Variants in CCDC27 observed in about 807,000 individuals in gnomAD.
CCDC27 encodes the protein coiled-coil domain-containing protein 27.
Under a neutral mutation model 80.3 loss-of-function variants are expected in CCDC27, and 80 were observed. The ratio of observed to expected loss-of-function variants is 1.00; its 90% CI spans 0.83 to 1.20. The LOEUF (loss-of-function observed/expected upper bound fraction) is 1.20, where lower values mean the gene tolerates loss of function less well. Among genes scored for constraint, CCDC27 ranks in the 50% most tolerant of loss-of-function variants. The pLI, the probability that CCDC27 is intolerant of heterozygous loss-of-function variation, is 0.00. For synonymous variants in CCDC27, 342 were observed against 334.3 expected, an observed-to-expected ratio of 1.02 and a Z score of -0.25; for missense variants, 815 against 809.4, an observed-to-expected ratio of 1.01 and a Z score of -0.08.
At chr1:3,753,152 TGAAAA>T (rs1481765927) in intron 1 of CCDC27, among the ~76,000 whole-genome samples, 2 of 151,952 alleles carry the variant, frequency 1.3e-5, no homozygotes, top group African/African-American at 4.8e-5. Flanking sequence ...AGGTGCATCT[TGAAAA>T]GGAGAGTGAA....
Position 3,752,497 on chromosome 1 carries a change from T to G in CCDC27, c.16T>G (p.Phe6Val). 1 of 1,613,960 alleles carries G rather than the reference T, an allele frequency of 6.2e-7. No individual in the cohort carries two copies. Among genetic ancestry groups the G allele is most frequent in the Non-Finnish European group, 8.5e-7 (1 of 1,179,954 alleles). Residue 6 changes from phenylalanine to valine, a missense_variant, in exon 1 of 12, where the codon TTC (phenylalanine) becomes GTC (valine). Coordinates refer to ENST00000294600, the MANE Select transcript of CCDC27 (RefSeq NM_152492.3). MFEAI[F>V]PSTPQARLKR... is the part of the protein sequence containing the mutation. ...CAGCAGGTTCATGTTCGAGGCCATC[T>G]TCCCCTCCACACCCCAAGCCAGGCT... is the stretch of plus-strand genomic sequence containing the variant.
rs920288711 is a variant in CCDC27 at position 3,757,750 on chromosome 1, G to A, written c.711+860G>A. Among the ~76,000 whole-genome samples the A allele has an allele frequency of 8.6e-5, 13 of 152,040 alleles. No individual in the cohort carries two copies. In the East Asian group the frequency reaches 1.6e-3, roughly 18 times the overall value. On this transcript the variant is annotated intron_variant, in intron 4 of 11. Coordinates refer to ENST00000294600, the MANE Select transcript of CCDC27 (RefSeq NM_152492.3). ...CATCCTGGCTAACACGCGAAACCCCGTCTCTACTAAAAATACAACAAATTA... is the reference window on the plus strand; with the variant it reads ...CATCCTGGCTAACACGCGAAACCCCATCTCTACTAAAAATACAACAAATTA...
chr1:3,766,837 C>CTT lies in CCDC27; in HGVS notation c.1530+246_1530+247dup, dbSNP rs34635257. ...AGGGACCCAGCAAGCGTTCCCAGTCCTTTTTTTTTTTTTTTTTTTTTTGAG... is the reference window on the plus strand; with the variant it reads ...AGGGACCCAGCAAGCGTTCCCAGTCCTTTTTTTTTTTTTTTTTTTTTTTTGAG... On this transcript the variant is annotated intron_variant, in intron 9 of 11. Transcript: ENST00000294600. This position sits in a 1 kb window ranked among gnomAD's most constrained non-coding sequence, Gnocchi z 6.1. 0.027 allele frequency among the ~76,000 whole-genome samples: 2,793 copies of CTT among 105,390 alleles called. 111 individuals are homozygous for CTT. Among genetic ancestry groups the CTT allele is most frequent in the East Asian group, 0.094 (285 of 3,030 alleles). The allele number at this position is 105,390 out of a possible 152,430, so 69.1% of individuals were successfully genotyped here.
intron 4 of CCDC27, among the ~76,000 whole-genome samples, chr1:3,758,488 T>C (rs1385900639): frequency 6.6e-6 from 1 of 150,680 alleles, no homozygotes; most frequent in Non-Finnish European, 1.5e-5. Flanking sequence ...GCTCAGCCTT[T>C]ATTTTTTAGA....
intron 11 of CCDC27, among the ~76,000 whole-genome samples, chr1:3,770,893 C>T (rs1201063219): frequency 6.6e-6 from 1 of 152,160 alleles, no homozygotes. Context: ...GGAAGAGCAC[C>T]TTTGCTTGCT....
intron 4 of CCDC27, among the ~76,000 whole-genome samples, chr1:3,757,856 A>T (rs1642994305): frequency 6.7e-6 from 1 of 150,068 alleles, no homozygotes; most frequent in South Asian, 2.1e-4. Flanking sequence ...AGGGAGGCGG[A>T]GCTTGCAGTG....
chr1:3,758,490 T>C (rs1643015266), intron 4 of CCDC27, among the ~76,000 whole-genome samples: 1 of 151,778 alleles, frequency 6.6e-6, no homozygotes, highest in South Asian at 2.1e-4. Flanking sequence ...TCAGCCTTTA[T>C]TTTTTAGAGA....
At chr1:3,764,226 G>A (rs916192831) in intron 8 of CCDC27, among the ~76,000 whole-genome samples, 17 of 152,110 alleles carry the variant, frequency 1.1e-4, no homozygotes, top group South Asian at 2.1e-4. Context: ...TTTGTTAAGC[G>A]TTTTAGGTTT....
rs1411456676 is a variant in CCDC27, at chr1:3,760,462, G to A, written c.712-819G>A. Among the ~76,000 whole-genome samples, 1 of 151,992 alleles carries A rather than the reference G, an allele frequency of 6.6e-6. No individual in the cohort carries two copies. The highest frequency in any genetic ancestry group is 6.6e-5 in the Admixed American group (1 of 15,260). ...TCTGAACTCTTGAGATAGATACTTGGGTCATGATTTTCCATTTCCCTCCTG... is the reference window on the plus strand; with the variant it reads ...TCTGAACTCTTGAGATAGATACTTGAGTCATGATTTTCCATTTCCCTCCTG... On this transcript the variant is annotated intron_variant, in intron 4 of 11. Transcript: ENST00000294600. This position sits in a 1 kb window ranked among gnomAD's most constrained non-coding sequence, Gnocchi z 4.3.
Position 3,756,811 on chromosome 1 carries a change from C to T in CCDC27, c.632C>T (p.Pro211Leu), listed in dbSNP as rs754556751. 82 of 1,614,006 alleles carry T rather than the reference C, an allele frequency of 5.1e-5. No individual in the cohort carries two copies. In the Middle Eastern group the frequency reaches 2.0e-3, roughly 39 times the overall value. The part of the protein sequence containing the change: ...RKRRKSQTLS[P>L]VTSSSVASQS... The stretch of plus-strand genomic sequence containing the variant: ...AGGAGAAAATCCCAGACTTTGAGTC[C>T]GGTCACCAGCAGCTCAGTCGCATCT... Residue 211 changes from proline (P) to leucine (L), a missense_variant, in exon 4 of 12, where the codon CCG (proline) becomes CTG (leucine). Pro to Leu is a moderately conservative substitution (Grantham distance 98, BLOSUM62 -3). Transcript: ENST00000294600.
At chr1:3,759,674 GA>G (rs1484260091) in intron 4 of CCDC27, among the ~76,000 whole-genome samples, 1 of 152,206 alleles carries the variant, frequency 6.6e-6, no homozygotes. Context: ...TGACTGAATG[GA>G]GACACAAGGG....
chr1:3,765,426 C>T (rs1643205618), intron 8 of CCDC27, among the ~76,000 whole-genome samples: 1 of 152,118 alleles, frequency 6.6e-6, no homozygotes, highest in South Asian at 2.1e-4. Context: ...TTTTTTATGG[C>T]CTTCTCTCAC....
chr1:3,766,034 C>G lies in CCDC27; in HGVS notation c.1453-501C>G, dbSNP rs1643219899. The stretch of plus-strand genomic sequence containing the variant: ...ACAGGTGCACACCACCACACCCAAC[C>G]AATGTTCTTATTTTTTGTAGAGATA... On this transcript the variant is annotated intron_variant, in intron 8 of 11. Coordinates refer to ENST00000294600, the MANE Select transcript of CCDC27 (RefSeq NM_152492.3). This position sits in a 1 kb window ranked among gnomAD's most constrained non-coding sequence, Gnocchi z 6.1. Among the ~76,000 whole-genome samples, 1 of 152,034 alleles carries G rather than the reference C, an allele frequency of 6.6e-6. No individual in the cohort carries two copies. The highest frequency in any genetic ancestry group is 2.4e-5 in the African/African-American group (1 of 41,404).
chr1:3,753,695 A>G lies in CCDC27; in HGVS notation c.319-423A>G, dbSNP rs564641399. On this transcript the variant is annotated intron_variant, in intron 1 of 11. Coordinates refer to ENST00000294600, the MANE Select transcript of CCDC27 (RefSeq NM_152492.3). ...TTGCTGAGCATCCAGTGTGCTGGAG[A>G]GGGGACAGAGGGGACACACTGCTGC... Among the ~76,000 whole-genome samples the G allele has an allele frequency of 5.6e-4, 85 of 152,260 alleles. 1 individual carries two copies. Among genetic ancestry groups the G allele is most frequent in the Non-Finnish European group, 9.9e-4 (67 of 68,016 alleles).
chr1:3,762,756 C>T (rs1205202802), intron 6 of CCDC27, 44 bp downstream of exon 6: 4 of 1,507,286 alleles, frequency 2.7e-6, no homozygotes, highest in Non-Finnish European at 3.6e-6. Context: ...GGGACCCGGG[C>T]CCAGGAGCCA....
At chr1:3,764,248 A>C (rs373547066) in intron 8 of CCDC27, among the ~76,000 whole-genome samples, 1 of 152,188 alleles carries the variant, frequency 6.6e-6, no homozygotes, top group Non-Finnish European at 1.5e-5. Context: ...TACTCTTATC[A>C]AAGTTATTCA....
chr1:3,766,778 G>T lies in CCDC27; in HGVS notation c.1530+166G>T, dbSNP rs140619219. Among the ~76,000 whole-genome samples the T allele has an allele frequency of 3.3e-5, 5 of 151,534 alleles. No homozygotes were observed. In the East Asian group the frequency reaches 9.7e-4, roughly 30 times the overall value. On this transcript the variant is annotated intron_variant, in intron 9 of 11. Transcript: ENST00000294600. The surrounding 1 kb of genome is among the most constrained non-coding windows in gnomAD (Gnocchi z 6.1). ...TCTGCACCCCACGTCCACACAGAAG[G>T]CTCCTCGCAATTGCTGGGTCCAGAC...
Position 3,766,730 on chromosome 1 carries a change from G to A in CCDC27, c.1530+118G>A, listed in dbSNP as rs567850503. 3.4e-5 allele frequency: 25 copies of A among 731,578 alleles called. No individual in the cohort carries two copies. The highest frequency in any genetic ancestry group is 3.6e-4 in the Middle Eastern group (1 of 2,778). 45.3% of individuals were successfully genotyped at this position (731,578 alleles called of 1,614,324 possible). ...TTCACAGCTGAGCCAGGACCCCTTCGGTAGCATGCCACTCGACAGATCTCT... is the reference window on the plus strand; with the variant it reads ...TTCACAGCTGAGCCAGGACCCCTTCAGTAGCATGCCACTCGACAGATCTCT... On this transcript the variant is annotated intron_variant, in intron 9 of 11. Transcript: ENST00000294600. This position sits in a 1 kb window ranked among gnomAD's most constrained non-coding sequence, Gnocchi z 6.1.
Position 3,763,398 on chromosome 1 carries a change from G to A in CCDC27, c.1245G>A (p.Leu415=). Residue 415 remains leucine (L), a synonymous_variant, in exon 7 of 12, where the codon CTG becomes CTA. Transcript: ENST00000294600. This position sits in a 1 kb window ranked among gnomAD's most constrained non-coding sequence, Gnocchi z 7.5. ...TTGAGGAGGAGCTGCTGGCCCAGCT[G>A]GAGGAGTACGAGCAGGTCATCCTGG... The part of the protein sequence containing the change: ...ESFEEELLAQ[L]EEYEQVILDF... The A allele has an allele frequency of 6.2e-7, 1 of 1,612,834 alleles. No individual in the cohort carries two copies. Among genetic ancestry groups the A allele is most frequent in the Non-Finnish European group, 8.5e-7 (1 of 1,179,932 alleles).
Sources: allele counts gnomAD v4.1 joint callset (sites outside exome capture counted in the v4.1 genomes callset), GRCh38; gene constraint gnomAD v4.1.1; non-coding constraint Gnocchi (gnomAD v3.1); transcripts MANE v1.5; gene names NCBI Gene and HGNC (gene_info 2026-07-23, HGNC 2026-07-21).